The following SDK1 variants were observed in gnomAD, a reference collection of about 807,000 sequenced individuals.
SDK1 encodes the protein sidekick cell adhesion molecule 1.
In SDK1, 157 loss-of-function variants were observed where a neutral mutation model predicts 245.5. The observed-to-expected ratio is 0.64, with a 90% CI of 0.56 to 0.73. The LOEUF (loss-of-function observed/expected upper bound fraction) is 0.73, where lower values mean the gene tolerates loss of function less well. Ranked by LOEUF, SDK1 falls within the 30% of genes least tolerant of loss-of-function variation. The pLI is 0.00. For missense variants in SDK1, 3,583 were observed against 3,002.3 expected (o/e 1.19, Z -4.52); for synonymous variants, 1,647 against 1,278.5 (o/e 1.29, Z -6.15).
At chr7:4,149,201 G>A in intron 29 of SDK1, 61 bp from the exon 30 acceptor site, 4 of 1,364,876 alleles carry the variant, frequency 2.9e-6, no homozygotes, top group Admixed American at 2.8e-5. Context: ...AGCCTCCTGG[G>A]GATGTTCCTT....
intron 1 of SDK1, among the ~76,000 whole-genome samples, chr7:3,580,996 C>CAAAAAAAAAAAAAAAAAAAAAAAA (rs1418335916): frequency 3.2e-5 from 3 of 92,952 alleles, no homozygotes; most frequent in African/African-American, 4.4e-5. Flanking sequence ...AAAAAAAAAC[C>CAAAAAAAAAAAAAAAAAAAAAAAA]AAAACAAAAC....
At chr7:4,183,872 T>G (rs1004987550) in intron 35 of SDK1, among the ~76,000 whole-genome samples, 5 of 152,130 alleles carry the variant, frequency 3.3e-5, no homozygotes, top group Admixed American at 2.6e-4. Context: ...ACCCCACCCA[T>G]CAGATGTGGC....
chr7:3,892,562 C>G (rs1781486221), intron 5 of SDK1, among the ~76,000 whole-genome samples: 1 of 152,194 alleles, frequency 6.6e-6, no homozygotes, highest in Non-Finnish European at 1.5e-5. Flanking sequence ...GAGGAGAGGG[C>G]AGAGACAAAT....
intron 1 of SDK1, among the ~76,000 whole-genome samples, chr7:3,361,238 G>C (rs1488890959): frequency 4.6e-5 from 7 of 152,156 alleles, no homozygotes; most frequent in African/African-American, 1.7e-4. Flanking sequence ...ACTCGCATCT[G>C]GATAACAGAG....
chr7:4,165,984 T>G (rs1273787486), intron 32 of SDK1, among the ~76,000 whole-genome samples: 1 of 152,012 alleles, frequency 6.6e-6, no homozygotes, highest in African/African-American at 2.4e-5. Context: ...AGATGGAGTC[T>G]CACTGTATTT....
At position 3,997,376 on chromosome 7, in the gene SDK1, C is replaced by T. The variant is rs1276595179; in HGVS notation, c.2131+10054C>T. 2.0e-5 allele frequency among the ~76,000 whole-genome samples: 3 copies of T among 152,192 alleles called. No individual in the cohort carries two copies. The East Asian group carries it at 5.8e-4, about 29-fold the overall frequency. ...GCAAGTCGTCCCATCGTCTCTGCAGCTCTCAGCAGAGAGGAGGCCTGGAGT... is the reference window on the plus strand; with the variant it reads ...GCAAGTCGTCCCATCGTCTCTGCAGTTCTCAGCAGAGAGGAGGCCTGGAGT... On this transcript the variant is annotated intron_variant, in intron 14 of 44. Transcript: ENST00000404826.
chr7:3,425,801 A>C (rs1388879974), intron 1 of SDK1, among the ~76,000 whole-genome samples: 1 of 152,210 alleles, frequency 6.6e-6, no homozygotes, highest in South Asian at 2.1e-4. Context: ...TATGTGTAAA[A>C]AGCCAGCCAT....
At position 3,430,986 on chromosome 7, in the gene SDK1, C is replaced by T. The variant is rs537771865; in HGVS notation, c.298+129102C>T. Among the ~76,000 whole-genome samples, 22 of 152,286 alleles carry T rather than the reference C, an allele frequency of 1.4e-4. No homozygotes were observed. In the South Asian group the frequency reaches 3.1e-3, roughly 22 times the overall value. On this transcript the variant is annotated intron_variant, in intron 1 of 44. Coordinates refer to ENST00000404826, the MANE Select transcript of SDK1 (RefSeq NM_152744.4). ...CTAGATCTTGGCTTACTGCAACCTCCGCCTCTCGGGTTCAAGTGATTCTTC... is the reference window on the plus strand; with the variant it reads ...CTAGATCTTGGCTTACTGCAACCTCTGCCTCTCGGGTTCAAGTGATTCTTC...
intron 1 of SDK1, among the ~76,000 whole-genome samples, chr7:3,492,988 T>C (rs534452505): frequency 6.6e-6 from 1 of 152,344 alleles, no homozygotes; most frequent in Non-Finnish European, 1.5e-5. Flanking sequence ...TCTTGCTCTC[T>C]CGCCCAGGCT....
intron 18 of SDK1, among the ~76,000 whole-genome samples, chr7:4,051,300 T>A (rs918890702): frequency 6.8e-6 from 1 of 146,520 alleles, no homozygotes; most frequent in Non-Finnish European, 1.5e-5. Flanking sequence ...ATGTTATATA[T>A]GGATATATGT....
intron 30 of SDK1, among the ~76,000 whole-genome samples, chr7:4,150,918 T>A (rs545762654): frequency 6.6e-6 from 1 of 152,348 alleles, no homozygotes; most frequent in East Asian, 1.9e-4. Context: ...GCTGTGAAGC[T>A]GGAACTGTGC....
intron 1 of SDK1, among the ~76,000 whole-genome samples, chr7:3,410,246 A>C (rs1447682807): frequency 2.0e-5 from 3 of 152,156 alleles, no homozygotes; most frequent in Non-Finnish European, 4.4e-5. Flanking sequence ...ACCTGACCTC[A>C]TTTGATGGGT....
chr7:3,397,407 G>A (rs1347973332), intron 1 of SDK1, among the ~76,000 whole-genome samples: 1 of 151,464 alleles, frequency 6.6e-6, no homozygotes, highest in East Asian at 1.9e-4. Context: ...TTCTTTATAT[G>A]GGAATATTTT....
chr7:3,910,985 C>G (rs1379644132), intron 5 of SDK1, among the ~76,000 whole-genome samples: 1 of 152,192 alleles, frequency 6.6e-6, no homozygotes, highest in Non-Finnish European at 1.5e-5. Flanking sequence ...GCTGCCTGCT[C>G]TTCTGGGCAT....
chr7:3,781,371 C>T (rs75555904), intron 4 of SDK1, among the ~76,000 whole-genome samples: 1,610 of 152,234 alleles, frequency 0.011, 12 homozygotes, highest in Non-Finnish European at 0.018. Context: ...GAAGCTCTGC[C>T]TGCCCAGGAT....
At chr7:3,968,922 CTCAGGAAA>C (rs1782276231) in intron 10 of SDK1, among the ~76,000 whole-genome samples, 1 of 152,160 alleles carries the variant, frequency 6.6e-6, no homozygotes, top group Non-Finnish European at 1.5e-5. Context: ...CTGGGGAGGC[CTCAGGAAA>C]TCATGGTGGA....
intron 1 of SDK1, among the ~76,000 whole-genome samples, chr7:3,389,992 T>G (rs1781707382): frequency 6.6e-6 from 1 of 151,984 alleles, no homozygotes; most frequent in Admixed American, 6.6e-5. Flanking sequence ...TATTGGTAAG[T>G]GGGGGAAAGT....
At chr7:4,104,690 G>A (rs896327089) in intron 22 of SDK1, among the ~76,000 whole-genome samples, 5 of 152,114 alleles carry the variant, frequency 3.3e-5, no homozygotes, top group African/African-American at 1.2e-4. Context: ...ATGAGAATTT[G>A]TATGCATGTA....
At chr7:4,185,351 C>T (rs1010924915) in intron 35 of SDK1, among the ~76,000 whole-genome samples, 17 of 152,202 alleles carry the variant, frequency 1.1e-4, no homozygotes, top group East Asian at 3.9e-4. Flanking sequence ...TGTGGGACCA[C>T]GCTCCAGCCT....
Sources: allele counts gnomAD v4.1 joint callset (sites outside exome capture counted in the v4.1 genomes callset), GRCh38; gene constraint gnomAD v4.1.1; transcripts MANE v1.5; gene names NCBI Gene and HGNC (gene_info 2026-07-23, HGNC 2026-07-21).